The following EXOSC5 variants were observed in gnomAD, a reference collection of about 807,000 sequenced individuals.
The protein encoded by EXOSC5 is exosome complex component RRP46.
In EXOSC5, 15 loss-of-function variants were observed where a neutral mutation model predicts 23.7. The ratio of observed to expected loss-of-function variants is 0.63; its 90% CI spans 0.42 to 0.97. The LOEUF (loss-of-function observed/expected upper bound fraction) is 0.97, where lower values mean the gene tolerates loss of function less well. EXOSC5 is among the 50% of genes least tolerant of loss of function. EXOSC5 has a pLI of 0.00. For missense variants in EXOSC5, 305 were observed against 316.3 expected, an observed-to-expected ratio of 0.96 and a Z score of 0.27; for synonymous variants, 143 against 140.9, an observed-to-expected ratio of 1.02 and a Z score of -0.11.
intron 3 of EXOSC5, among the ~76,000 whole-genome samples, chr19:41,391,231 G>A (rs1158626591): frequency 6.6e-6 from 1 of 152,220 alleles, no homozygotes; most frequent in Non-Finnish European, 1.5e-5. Flanking sequence ...CTGGCGTGGT[G>A]GCAGGCACCT....
At chr19:41,387,693 C>A in intron 4 of EXOSC5, 90 bp from the exon 5 acceptor site, 1 of 895,420 alleles carries the variant, frequency 1.1e-6, no homozygotes, top group Non-Finnish European at 1.6e-6. Flanking sequence ...CACAGTGGCT[C>A]ATGACCATAA....
chr19:41,393,447 T>C (rs2039039231), intron 1 of EXOSC5, among the ~76,000 whole-genome samples: 1 of 152,088 alleles, frequency 6.6e-6, no homozygotes, highest in Non-Finnish European at 1.5e-5. Context: ...ATATTTTTAG[T>C]AGAGAGGGGA....
chr19:41,389,840 A>C lies in EXOSC5; in HGVS notation c.450T>G (p.Ala150=), dbSNP rs1224728972. The change falls in exon 4 of 6, where the codon GCT becomes GCG. Residue 150 remains alanine, a synonymous_variant. Transcript: ENST00000221233. ...GGGCGCAGGCGACCCCACAGAAGAG[A>C]GCCCGCATGGGCACACCTGCATCCA... ...ALVDAGVPMR[A]LFCGVACALD... 6.2e-7 allele frequency: 1 copy of C among 1,613,946 alleles called. No homozygotes were observed. Among genetic ancestry groups the C allele is most frequent in the East Asian group, 2.2e-5 (1 of 44,878 alleles).
Position 41,386,612 on chromosome 19 carries a change from G to C in EXOSC5, c.*21C>G. ...GTGAGTGGGTGGAGGCAATGGGAGC[G>C]GCCCCTTGCCCCAGCTTGCCTCAGC... On this transcript the variant is annotated 3_prime_UTR_variant, in exon 6 of 6. Coordinates refer to ENST00000221233, the MANE Select transcript of EXOSC5 (RefSeq NM_020158.4). 1.3e-6 allele frequency: 2 copies of C among 1,560,082 alleles called. No individual in the cohort carries two copies. The highest frequency in any genetic ancestry group is 1.7e-6 in the Non-Finnish European group (2 of 1,150,758).
chr19:41,387,736 T>G (rs2038994710), intron 4 of EXOSC5, 133 bp from the exon 5 acceptor site: 1 of 450,588 alleles, frequency 2.2e-6, no homozygotes, highest in Non-Finnish European at 3.7e-6. Flanking sequence ...GGCAGGGCAC[T>G]GCTTGAGGCC....
rs375717379 is a variant in EXOSC5 at position 41,391,938 on chromosome 19, C to T, written c.287G>A (p.Arg96Gln). Residue 96 changes from arginine (R) to glutamine (Q), a missense_variant, in exon 3 of 6, where the codon CGG (arginine) becomes CAG (glutamine). Physicochemically the swap from Arg to Gln is conservative, Grantham distance 43 (BLOSUM62 1). Coordinates refer to ENST00000221233, the MANE Select transcript of EXOSC5 (RefSeq NM_020158.4). ...CGCCTCGCACGTGTTCCTGATCAGC[C>T]GCTCCCGGCTCTTCTCTGCAACACC... ...LPGVAEKSRE[R>Q]LIRNTCEAVV... 1.5e-5 allele frequency: 23 copies of T among 1,580,812 alleles called. No homozygotes were observed. The African/African-American group carries it at 1.5e-4, about 10-fold the overall frequency.
intron 5 of EXOSC5, among the ~76,000 whole-genome samples, chr19:41,386,989 T>G (rs1398229432): frequency 6.6e-6 from 1 of 152,164 alleles, no homozygotes; most frequent in Non-Finnish European, 1.5e-5. Context: ...TCCTCACACC[T>G]TGGAGGAGGC....
chr19:41,397,335 G>A lies in EXOSC5; in HGVS notation c.-7C>T. Reference sequence around the variant, plus strand: ...TATGCGTCTCCTCCTCCATCGCGCCGAGCCCACGTGCGGCTGCAGTTGTCA... The same window carrying A: ...TATGCGTCTCCTCCTCCATCGCGCCAAGCCCACGTGCGGCTGCAGTTGTCA... On this transcript the variant is annotated 5_prime_UTR_variant, in exon 1 of 6. Coordinates refer to ENST00000221233, the MANE Select transcript of EXOSC5 (RefSeq NM_020158.4). 5 of 1,606,950 alleles carry A rather than the reference G, an allele frequency of 3.1e-6. No homozygotes were observed. The South Asian group carries it at 4.4e-5, about 14-fold the overall frequency.
At chr19:41,392,345 G>A (rs1000697683) in intron 2 of EXOSC5, among the ~76,000 whole-genome samples, 1 of 152,192 alleles carries the variant, frequency 6.6e-6, no homozygotes, top group African/African-American at 2.4e-5. Context: ...ACTTTGGGGG[G>A]CTGAGGCGGG....
At position 41,386,580 on chromosome 19, in the gene EXOSC5, G is replaced by A. The variant is rs756487101; in HGVS notation, c.*53C>T. ...CTGGGCTGCTGGTTTGCTTCAGGCTGTAGGGGGTGAGTGGGTGGAGGCAAT... is the reference window on the plus strand; with the variant it reads ...CTGGGCTGCTGGTTTGCTTCAGGCTATAGGGGGTGAGTGGGTGGAGGCAAT... On this transcript the variant is annotated 3_prime_UTR_variant, in exon 6 of 6. Coordinates refer to ENST00000221233, the MANE Select transcript of EXOSC5 (RefSeq NM_020158.4). The A allele has an allele frequency of 2.0e-6, 3 of 1,527,466 alleles. No homozygotes were observed. The highest frequency in any genetic ancestry group is 4.9e-5 in the East Asian group (2 of 40,922). The allele number at this position is 1,527,466 out of a possible 1,614,324, so 94.6% of individuals were successfully genotyped here.
Position 41,396,357 on chromosome 19 carries a change from C to A in EXOSC5, c.148+824G>T, listed in dbSNP as rs566709189. Reference sequence around the variant, plus strand: ...CCCGAGTAGCTGGGATTACAGGCGCCCGCCACCATGCCTGGCTAGTTTTTG... The same window carrying A: ...CCCGAGTAGCTGGGATTACAGGCGCACGCCACCATGCCTGGCTAGTTTTTG... On this transcript the variant is annotated intron_variant, in intron 1 of 5. Coordinates refer to ENST00000221233, the MANE Select transcript of EXOSC5 (RefSeq NM_020158.4). Among the ~76,000 whole-genome samples the A allele has an allele frequency of 7.4e-4, 112 of 152,182 alleles. 1 individual carries two copies. Among genetic ancestry groups the A allele is most frequent in the Non-Finnish European group, 1.3e-3 (88 of 67,992 alleles).
chr19:41,395,020 C>T lies in EXOSC5; in HGVS notation c.149-2040G>A, dbSNP rs759071458. Among the ~76,000 whole-genome samples the T allele has an allele frequency of 3.7e-5, 5 of 136,498 alleles. No individual in the cohort carries two copies. In the East Asian group the frequency reaches 6.4e-4, roughly 18 times the overall value. 89.5% of individuals were successfully genotyped at this position (136,498 alleles called of 152,430 possible). On this transcript the variant is annotated intron_variant, in intron 1 of 5. Transcript: ENST00000221233. ...CTGCACTCCAGCCTGGGCGACAGGG[C>T]GAGACTCCATCTCAAAAAAAAAAAA...
Position 41,387,609 on chromosome 19 carries a change from G to T in EXOSC5, c.526-6C>A, listed in dbSNP as rs370313944. 6 of 1,587,262 alleles carry T rather than the reference G, an allele frequency of 3.8e-6. No homozygotes were observed. The highest frequency in any genetic ancestry group is 3.7e-5 in the Admixed American group (2 of 54,066). Reference sequence around the variant, plus strand: ...GTCAGGACTGCCCGGGCCTCCTAGGGACAAGGGGTAGAAGGCGGTGGGGGA... The same window carrying T: ...GTCAGGACTGCCCGGGCCTCCTAGGTACAAGGGGTAGAAGGCGGTGGGGGA... On this transcript the variant is annotated splice_polypyrimidine_tract_variant and splice_region_variant and intron_variant, in intron 4 of 5. Coordinates refer to ENST00000221233, the MANE Select transcript of EXOSC5 (RefSeq NM_020158.4).
intron 1 of EXOSC5, 138 bp downstream of exon 1, chr19:41,397,043 G>C (rs1462407078): frequency 1.1e-6 from 1 of 931,528 alleles, no homozygotes; most frequent in Non-Finnish European, 1.6e-6. Flanking sequence ...TGCGTATTTA[G>C]TAGTATTCAA....
rs771227429 is a variant in EXOSC5, at chr19:41,392,970, A to G, written c.159T>C (p.Ser53=). 5.0e-6 allele frequency: 8 copies of G among 1,613,088 alleles called. No individual in the cohort carries two copies. The highest frequency in any genetic ancestry group is 6.8e-6 in the Non-Finnish European group (8 of 1,179,952). The stretch of plus-strand genomic sequence containing the variant: ...CCGGCCCGTACACACCCGCCAGGAC[A>G]GAGGTGTCACCTGAGGAGACAGCAG... ...GSASFLQGDT[S]VLAGVYGPAE... The change falls in exon 2 of 6, where the codon TCT becomes TCC. Residue 53 remains serine (S), a synonymous_variant. Coordinates refer to ENST00000221233, the MANE Select transcript of EXOSC5 (RefSeq NM_020158.4).
chr19:41,391,210 CA>C (rs774262076), intron 3 of EXOSC5, among the ~76,000 whole-genome samples: 9 of 152,132 alleles, frequency 5.9e-5, no homozygotes, highest in Non-Finnish European at 1.2e-4. Context: ...ACTAAAAATA[CA>C]AAAATTAGCC....
chr19:41,394,579 G>T (rs1348536399), intron 1 of EXOSC5, among the ~76,000 whole-genome samples: 1 of 149,786 alleles, frequency 6.7e-6, no homozygotes, highest in Non-Finnish European at 1.5e-5. Flanking sequence ...GTGCAGTGGC[G>T]CAATCTCAGT....
Position 41,386,729 on chromosome 19 carries a change from C to T in EXOSC5, c.616-4G>A, listed in dbSNP as rs141286660. On this transcript the variant is annotated splice_region_variant and splice_polypyrimidine_tract_variant and intron_variant, in intron 5 of 5. Coordinates refer to ENST00000221233, the MANE Select transcript of EXOSC5 (RefSeq NM_020158.4). ...CCGCAGCCAGGCACTGCTGGAGCTG[C>T]GGGGGAGAGACTGGTCGGTGCTGGG... 134 of 1,582,332 alleles carry T rather than the reference C, an allele frequency of 8.5e-5. 1 individual carries two copies. The highest frequency in any genetic ancestry group is 1.1e-4 in the Non-Finnish European group (128 of 1,167,032).
Position 41,392,771 on chromosome 19 carries a change from C to T in EXOSC5, c.262+96G>A, listed in dbSNP as rs1451380619. 19 of 993,022 alleles carry T rather than the reference C, an allele frequency of 1.9e-5. 1 individual carries two copies. The highest frequency in any genetic ancestry group is 9.9e-5 in the South Asian group (7 of 70,660). The allele number at this position is 993,022 out of a possible 1,614,324, so 61.5% of individuals were successfully genotyped here. A position where few individuals can be genotyped will look rare whatever the true frequency, so the allele number is the denominator to read the frequency against. On this transcript the variant is annotated intron_variant, in intron 2 of 5. Coordinates refer to ENST00000221233, the MANE Select transcript of EXOSC5 (RefSeq NM_020158.4). ...AGAAACAGCTGAGTGGAGACCCAAG[C>T]GGGGAGTGGAGACTCGGGGCAGCTG...
Sources: allele counts gnomAD v4.1 joint callset (sites outside exome capture counted in the v4.1 genomes callset), GRCh38; gene constraint gnomAD v4.1.1; transcripts MANE v1.5; gene names NCBI Gene and HGNC (gene_info 2026-07-23, HGNC 2026-07-21).